Variants in VWA8 observed in about 807,000 individuals in gnomAD.
VWA8 encodes the protein von Willebrand factor A domain containing 8.
VWA8 carries 221 observed loss-of-function variants against 241.5 expected under a neutral mutation model. The observed-to-expected ratio is 0.91, with a 90% CI of 0.82 to 1.02. VWA8 has a LOEUF of 1.02. VWA8 is among the 50% of genes least tolerant of loss of function. The probability of loss-of-function intolerance (pLI) is 0.00; values close to 1 mark genes in which losing one functional copy is unlikely to be tolerated. For missense variants in VWA8, 2,322 were observed against 2,328.7 expected (o/e 1.00, Z 0.06); for synonymous variants, 852 against 827.1 (o/e 1.03, Z -0.52).
intron 4 of VWA8, among the ~76,000 whole-genome samples, chr13:41,892,125 T>G (rs192991398): frequency 2.6e-5 from 4 of 152,254 alleles, no homozygotes; most frequent in Admixed American, 6.5e-5. Context: ...GAATCAGATT[T>G]TACATTGGCC....
chr13:41,885,923 G>C lies in VWA8; in HGVS notation c.972C>G (p.Ile324Met). ...GTCATTAATTTATTTTACTTACCAA[G>C]ATTTGAACCGCAGCTGCTAAACTAT... ...PLDSLAAAVQ[I>M]LDSFPMMPIK... The change falls in exon 8 of 45, where the codon ATC becomes ATG. Residue 324 changes from isoleucine to methionine, a missense_variant. Ile to Met is a conservative substitution (Grantham distance 10, BLOSUM62 1). Coordinates refer to ENST00000379310, the MANE Select transcript of VWA8 (RefSeq NM_015058.2). 6.4e-7 allele frequency: 1 copy of C among 1,574,240 alleles called. No homozygotes were observed. The highest frequency in any genetic ancestry group is 1.2e-5 in the South Asian group (1 of 83,828).
At chr13:41,649,702 C>T (rs959847461) in intron 37 of VWA8, among the ~76,000 whole-genome samples, 1 of 152,184 alleles carries the variant, frequency 6.6e-6, no homozygotes, top group African/African-American at 2.4e-5. Context: ...TACTGAAATG[C>T]ACCTCTAACT....
At chr13:41,636,915 A>G (rs2044761562) in intron 37 of VWA8, among the ~76,000 whole-genome samples, 1 of 151,780 alleles carries the variant, frequency 6.6e-6, no homozygotes, top group South Asian at 2.1e-4. Flanking sequence ...TCAGGAAACA[A>G]CAGGTGCTGG....
chr13:41,865,789 T>A lies in VWA8; in HGVS notation c.1372A>T (p.Lys458Ter), dbSNP rs138791520. ...TATCCTAAGGTATCGGCAAAGTTCT[T>A]AGCGATCACTGTTTTTCCACAACCC... is the stretch of plus-strand genomic sequence containing the variant. ...GKGCGKTVIA[K>*]NFADTLGYNI... Residue 458 changes from lysine to a stop codon, truncating the protein, a stop_gained, in exon 12 of 45, where the codon AAG becomes TAG. Transcript: ENST00000379310. LOFTEE classifies it high-confidence loss of function. 2.2e-5 allele frequency: 35 copies of A among 1,614,200 alleles called. No homozygotes were observed. In the African/African-American group the frequency reaches 4.4e-4, roughly 20 times the overall value.
At chr13:41,602,015 C>T (rs73181186) in intron 40 of VWA8, among the ~76,000 whole-genome samples, 4,650 of 152,120 alleles carry the variant, frequency 0.031, 110 homozygotes, top group Non-Finnish European at 0.041. Context: ...TGGAGCCACA[C>T]AGGACTGGCA....
chr13:41,763,384 G>A (rs1458919576), intron 20 of VWA8, among the ~76,000 whole-genome samples: 11 of 151,908 alleles, frequency 7.2e-5, no homozygotes, highest in African/African-American at 2.2e-4. Context: ...GATTTATTTC[G>A]CCTACAAAAG....
At chr13:41,700,069 C>T (rs567336041) in intron 28 of VWA8, among the ~76,000 whole-genome samples, 5 of 152,124 alleles carry the variant, frequency 3.3e-5, no homozygotes, top group South Asian at 2.1e-4. Flanking sequence ...ATGTGGGCAC[C>T]GCTGAAGCAA....
rs574665391 is a variant in VWA8 at position 41,781,897 on chromosome 13, A to G, written c.2277+1898T>C. Reference sequence around the variant, plus strand: ...AGTGATATGGAAAACACGTTTTAAAAGTCCATTTCAACACAATGTGGTAAG... The same window carrying G: ...AGTGATATGGAAAACACGTTTTAAAGGTCCATTTCAACACAATGTGGTAAG... On this transcript the variant is annotated intron_variant, in intron 19 of 44. Coordinates refer to ENST00000379310, the MANE Select transcript of VWA8 (RefSeq NM_015058.2). Among the ~76,000 whole-genome samples, 8 of 152,358 alleles carry G rather than the reference A, an allele frequency of 5.3e-5. No individual in the cohort carries two copies. The South Asian group carries it at 1.7e-3, about 32-fold the overall frequency.
chr13:41,886,818 A>C lies in VWA8; in HGVS notation c.829T>G (p.Leu277Val). ...YYLPFKDQLK[L>V]LYSIGANVSA... ...ACATTGGCTCCAATTGAATATAACA[A>C]CTTAAGTTGGTCCTAAAGTAATACA... is the stretch of plus-strand genomic sequence containing the variant. Residue 277 changes from leucine to valine, a missense_variant, in exon 7 of 45, where the codon TTG becomes GTG. Coordinates refer to ENST00000379310, the MANE Select transcript of VWA8 (RefSeq NM_015058.2). 1 of 1,592,136 alleles carries C rather than the reference A, an allele frequency of 6.3e-7. No homozygotes were observed. Among genetic ancestry groups the C allele is most frequent in the Non-Finnish European group, 8.5e-7 (1 of 1,172,374 alleles).
intron 2 of VWA8, among the ~76,000 whole-genome samples, chr13:41,915,683 T>C (rs1481395844): frequency 6.6e-6 from 1 of 152,222 alleles, no homozygotes; most frequent in Admixed American, 6.5e-5. Context: ...AGGAAATCAG[T>C]AGAGAATAAG....
At chr13:41,925,417 G>A (rs544416269) in intron 2 of VWA8, among the ~76,000 whole-genome samples, 60 of 151,944 alleles carry the variant, frequency 3.9e-4, no homozygotes, top group African/African-American at 1.4e-3. Flanking sequence ...AAGGTTAAAA[G>A]TCAATTCAGT....
At chr13:41,866,864 A>G (rs1030416850) in intron 10 of VWA8, among the ~76,000 whole-genome samples, 2 of 152,114 alleles carry the variant, frequency 1.3e-5, no homozygotes, top group Non-Finnish European at 2.9e-5. Flanking sequence ...ATCTGTTCAC[A>G]TATTCTCTCT....
chr13:41,663,076 G>T (rs1372759489), intron 37 of VWA8, among the ~76,000 whole-genome samples: 2 of 152,108 alleles, frequency 1.3e-5, no homozygotes, highest in Non-Finnish European at 2.9e-5. Context: ...CAGGGACTTT[G>T]AATAGTAGCT....
chr13:41,769,170 G>A (rs1305500375), intron 20 of VWA8, among the ~76,000 whole-genome samples: 1 of 152,238 alleles, frequency 6.6e-6, no homozygotes, highest in East Asian at 1.9e-4. Context: ...GACTCCCGAA[G>A]TGCTGGGATT....
chr13:41,576,100 T>C (rs565333717), intron 42 of VWA8, among the ~76,000 whole-genome samples: 1 of 152,292 alleles, frequency 6.6e-6, no homozygotes, highest in East Asian at 1.9e-4. Context: ...GGGTCTGAGG[T>C]AAACTATAAT....
intron 9 of VWA8, among the ~76,000 whole-genome samples, chr13:41,873,460 G>T (rs895175812): frequency 8.1e-4 from 123 of 152,140 alleles, no homozygotes; most frequent in Middle Eastern, 3.4e-3. Context: ...GAAAAAAAGA[G>T]AGAAGAATCA....
chr13:41,709,266 G>A (rs946850492), intron 26 of VWA8, among the ~76,000 whole-genome samples: 2 of 152,146 alleles, frequency 1.3e-5, no homozygotes, highest in African/African-American at 4.8e-5. Flanking sequence ...TGGATCTCTA[G>A]TATTCAGAAT....
At chr13:41,588,924 A>G (rs924684569) in intron 41 of VWA8, among the ~76,000 whole-genome samples, 1 of 152,220 alleles carries the variant, frequency 6.6e-6, no homozygotes, top group Non-Finnish European at 1.5e-5. Flanking sequence ...ACTTATACAT[A>G]TGCTTCCATG....
At position 41,855,263 on chromosome 13, in the gene VWA8, C is replaced by A. The variant is rs1189366447; in HGVS notation, c.1425+10473G>T. On this transcript the variant is annotated intron_variant, in intron 12 of 44. Coordinates refer to ENST00000379310, the MANE Select transcript of VWA8 (RefSeq NM_015058.2). ...CTGTAGCCCATGGCTTGGCTGTTGG[C>A]GGCAGCAAGGTACCCACCCAATGGC... is the stretch of plus-strand genomic sequence containing the variant. Among the ~76,000 whole-genome samples, 7 of 148,656 alleles carry A rather than the reference C, an allele frequency of 4.7e-5. No individual in the cohort carries two copies. The East Asian group carries it at 9.8e-4, about 21-fold the overall frequency.
Sources: gnomAD v4.1 joint callset for allele counts (sites outside exome capture counted in the v4.1 genomes callset) on GRCh38, gnomAD v4.1.1 for gene constraint, MANE v1.5 for transcripts, NCBI Gene and HGNC (gene_info 2026-07-23, HGNC 2026-07-21) for gene names.